The following ATPSCKMT variants were observed in gnomAD, a reference collection of about 807,000 sequenced individuals.
ATPSCKMT encodes ATP synthase c subunit lysine N-methyltransferase.
ATPSCKMT carries 24 observed loss-of-function variants against 24.3 expected under a neutral mutation model. That is an observed-to-expected ratio of 0.99 (90% CI 0.71 to 1.39). The LOEUF (loss-of-function observed/expected upper bound fraction) is 1.39, where lower values mean the gene tolerates loss of function less well. ATPSCKMT is among the 40% of genes most tolerant of loss of function. The pLI is 0.00. For missense variants in ATPSCKMT, 311 were observed against 298.4 expected (o/e 1.04, Z -0.31); for synonymous variants, 95 against 110.5 (o/e 0.86, Z 0.88).
chr5:10,249,285 G>A (rs1260644046), intron 1 of ATPSCKMT: 2 of 148,888 alleles, frequency 1.3e-5, no homozygotes, highest in African/African-American at 2.5e-5. Flanking sequence ...AAAAAAAAGA[G>A]TGTGGGACCC....
intron 1 of ATPSCKMT, among the ~76,000 whole-genome samples, chr5:10,240,996 CA>C (rs57093278): frequency 0.22 from 26,566 of 122,744 alleles, 2,893 homozygotes; most frequent in East Asian, 0.59. Flanking sequence ...AACTCCATGT[CA>C]AAAAAAAAAA....
intron 1 of ATPSCKMT, among the ~76,000 whole-genome samples, chr5:10,240,428 T>C (rs964325407): frequency 2.6e-5 from 4 of 152,056 alleles, no homozygotes; most frequent in African/African-American, 9.7e-5. Flanking sequence ...GATTTTAAAA[T>C]TGATTAACAA....
intron 1 of ATPSCKMT, among the ~76,000 whole-genome samples, chr5:10,247,786 C>G (rs1036986098): frequency 6.6e-6 from 1 of 152,200 alleles, no homozygotes; most frequent in Non-Finnish European, 1.5e-5. Context: ...AACAAGGAGC[C>G]ATTCTATTAA....
At position 10,227,463 on chromosome 5, in the gene ATPSCKMT, A is replaced by C; in HGVS notation, c.680T>G (p.Phe227Cys). 1.2e-6 allele frequency: 2 copies of C among 1,614,180 alleles called. No homozygotes were observed. The highest frequency in any genetic ancestry group is 1.1e-5 in the South Asian group (1 of 91,082). The change falls in exon 5 of 5, where the codon TTC becomes TGC. Residue 227 changes from phenylalanine (F) to cysteine (C), a missense_variant. By Grantham distance (205) the Phe-to-Cys change is radical. Transcript: ENST00000511437. ...REKRPCTSMHFQLPIQA is the reference protein window; with the variant it reads ...REKRPCTSMHCQLPIQA ...AGTTTATGCTTGAATGGGCAGCTGG[A>C]AATGCATCGATGTACAGGGCCTCTT...
rs1258816993 is a variant in ATPSCKMT at position 10,240,227 on chromosome 5, C to G, written c.17-871G>C. 4.0e-5 allele frequency among the ~76,000 whole-genome samples: 6 copies of G among 149,478 alleles called. 1 individual carries two copies. The highest frequency in any genetic ancestry group is 7.4e-5 in the African/African-American group (3 of 40,618). ...CCAGCCGGGGTGACAGAGCGAGACT[C>G]TGTCTCAAAAAAAAAAAAAAGAATA... On this transcript the variant is annotated intron_variant, in intron 1 of 4. Coordinates refer to ENST00000511437, the MANE Select transcript of ATPSCKMT (RefSeq NM_199133.4).
At chr5:10,244,850 G>A (rs1176401957) in intron 1 of ATPSCKMT, among the ~76,000 whole-genome samples, 1 of 151,470 alleles carries the variant, frequency 6.6e-6, no homozygotes, top group African/African-American at 2.4e-5. Flanking sequence ...TGAGGCTGCA[G>A]TGAGCCGTGA....
chr5:10,246,477 C>A (rs909474506), intron 1 of ATPSCKMT, among the ~76,000 whole-genome samples: 2 of 151,296 alleles, frequency 1.3e-5, no homozygotes, highest in African/African-American at 4.8e-5. Context: ...AAAAAAGAAT[C>A]CCCTATTCTG....
chr5:10,243,901 GCTAA>G (rs1744763064), intron 1 of ATPSCKMT, among the ~76,000 whole-genome samples: 2 of 152,292 alleles, frequency 1.3e-5, no homozygotes, highest in East Asian at 1.9e-4. Context: ...TCACAACCTG[GCTAA>G]CTGTTTGATG....
chr5:10,229,213 G>A (rs1049551444), intron 4 of ATPSCKMT, among the ~76,000 whole-genome samples: 2 of 152,150 alleles, frequency 1.3e-5, no homozygotes, highest in Admixed American at 6.5e-5. Context: ...GTATGATCCA[G>A]TCCAGGACCA....
At chr5:10,249,119 A>T (rs1306802449) in intron 1 of ATPSCKMT, among the ~76,000 whole-genome samples, 1 of 152,034 alleles carries the variant, frequency 6.6e-6, no homozygotes, top group Non-Finnish European at 1.5e-5. Context: ...AAATACAAAA[A>T]TTAGCGAGCG....
intron 1 of ATPSCKMT, chr5:10,249,270 A>AG (rs1745160888): frequency 6.6e-6 from 1 of 152,010 alleles, no homozygotes; most frequent in African/African-American, 2.4e-5. Context: ...TCAAAAAAAA[A>AG]AAAAAAAAAA....
At chr5:10,247,924 G>C (rs1745006321) in intron 1 of ATPSCKMT, among the ~76,000 whole-genome samples, 1 of 152,132 alleles carries the variant, frequency 6.6e-6, no homozygotes, top group Non-Finnish European at 1.5e-5. Context: ...TTCTAATATT[G>C]GTTGAAAACT....
chr5:10,246,984 G>A (rs1489893110), intron 1 of ATPSCKMT, among the ~76,000 whole-genome samples: 2 of 152,242 alleles, frequency 1.3e-5, no homozygotes, highest in South Asian at 2.1e-4. Flanking sequence ...ACCAAGGTGT[G>A]GAAGGCAGGG....
Position 10,236,310 on chromosome 5 carries a change from G to A in ATPSCKMT, c.444+168C>T, listed in dbSNP as rs1744367241. On this transcript the variant is annotated intron_variant, in intron 3 of 4. Transcript: ENST00000511437. ...AAAAACTTTAAGCTTCTCTCTAAAGGAGACTATTTGTAAAACGTATCAATT... is the reference window on the plus strand; with the variant it reads ...AAAAACTTTAAGCTTCTCTCTAAAGAAGACTATTTGTAAAACGTATCAATT... 2.1e-5 allele frequency: 16 copies of A among 775,176 alleles called. No individual in the cohort carries two copies. The Middle Eastern group carries it at 2.8e-3, about 135-fold the overall frequency. 48.0% of individuals were successfully genotyped at this position (775,176 alleles called of 1,614,324 possible).
chr5:10,236,451 T>C (rs770520758), intron 3 of ATPSCKMT, 27 bp downstream of exon 3: 1 of 1,608,990 alleles, frequency 6.2e-7, no homozygotes, highest in Non-Finnish European at 8.5e-7. Flanking sequence ...CTTGGATTTC[T>C]CTAGGGCCAT....
At chr5:10,234,572 T>C (rs1480198100) in intron 4 of ATPSCKMT, among the ~76,000 whole-genome samples, 1 of 152,232 alleles carries the variant, frequency 6.6e-6, no homozygotes, top group Non-Finnish European at 1.5e-5. Context: ...AATTTTATTA[T>C]GGCTACAATG....
chr5:10,236,973 C>T (rs1236661112), intron 2 of ATPSCKMT: 1 of 1,316,754 alleles, frequency 7.6e-7, no homozygotes, highest in Admixed American at 2.3e-5. Context: ...GCTAGCACAG[C>T]AGCAGTGAAA....
At chr5:10,247,166 A>G (rs1458352235) in intron 1 of ATPSCKMT, among the ~76,000 whole-genome samples, 1 of 152,208 alleles carries the variant, frequency 6.6e-6, no homozygotes, top group East Asian at 1.9e-4. Context: ...CTCTTGATGA[A>G]ATCATTCTAT....
In ATPSCKMT at chr5:10,239,069, T is replaced by A; in HGVS notation, c.304A>T (p.Ile102Phe). The A allele has an allele frequency of 2.5e-6, 4 of 1,612,096 alleles. No individual in the cohort carries two copies. The highest frequency in any genetic ancestry group is 3.4e-6 in the Non-Finnish European group (4 of 1,178,608). ...TAAAATGTTTTAGCAGAACTCACAA[T>A]GCGTCCGTCCCCACTACCGATGTCC... ...LVDIGSGDGR[I>F]VIAAAKKGFT... The change falls in exon 2 of 5, where the codon ATT becomes TTT. Residue 102 changes from isoleucine to phenylalanine, a missense_variant and splice_region_variant. By Grantham distance (21) the Ile-to-Phe change is conservative. Coordinates refer to ENST00000511437, the MANE Select transcript of ATPSCKMT (RefSeq NM_199133.4).
Sources: allele counts gnomAD v4.1 joint callset (sites outside exome capture counted in the v4.1 genomes callset), GRCh38; gene constraint gnomAD v4.1.1; transcripts MANE v1.5; gene names NCBI Gene and HGNC (gene_info 2026-07-23, HGNC 2026-07-21).